ZNF618: variants seen among roughly 807,000 people sequenced by gnomAD.
The protein encoded by ZNF618 is zinc finger protein 618.
In ZNF618, 34 loss-of-function variants were observed where a neutral mutation model predicts 103.0. The observed-to-expected ratio is 0.33, with a 90% CI of 0.25 to 0.44. The LOEUF is 0.44. ZNF618 is among the 20% of genes least tolerant of loss of function. The probability of loss-of-function intolerance (pLI) is 1.00; values close to 1 mark genes in which losing one functional copy is unlikely to be tolerated. For missense variants in ZNF618, 1,059 were observed against 1,295.4 expected, an observed-to-expected ratio of 0.82 and a Z score of 2.80; for synonymous variants, 551 against 542.2, an observed-to-expected ratio of 1.02 and a Z score of -0.23.
At chr9:113,897,282 G>A (rs1199879782) in intron 1 of ZNF618, among the ~76,000 whole-genome samples, 1 of 152,032 alleles carries the variant, frequency 6.6e-6, no homozygotes, top group Non-Finnish European at 1.5e-5. Context: ...ACATTTTTGG[G>A]TTATGCATTT....
At chr9:113,881,389 A>C (rs891065685) in intron 1 of ZNF618, among the ~76,000 whole-genome samples, 17 of 152,234 alleles carry the variant, frequency 1.1e-4, no homozygotes, top group African/African-American at 4.1e-4. Flanking sequence ...ATAATTTTTA[A>C]TTTTCTCACA....
At chr9:113,999,570 A>C (rs745421072) in intron 4 of ZNF618, among the ~76,000 whole-genome samples, 84 of 152,274 alleles carry the variant, frequency 5.5e-4, no homozygotes, top group Non-Finnish European at 1.0e-3. Context: ...ACCTGCAGGC[A>C]AGGCTGCATG....
At chr9:113,976,378 C>T (rs908605757) in intron 2 of ZNF618, among the ~76,000 whole-genome samples, 8 of 152,138 alleles carry the variant, frequency 5.3e-5, no homozygotes, top group African/African-American at 1.7e-4. Flanking sequence ...ATTGAGAGTG[C>T]GAAGTAGGAG....
chr9:114,009,464 C>T (rs1221145407), intron 9 of ZNF618, among the ~76,000 whole-genome samples: 1 of 152,068 alleles, frequency 6.6e-6, no homozygotes, highest in Non-Finnish European at 1.5e-5. Context: ...TTTAGGAAGC[C>T]CCATTTTGCT....
chr9:114,002,534 T>G, intron 5 of ZNF618, 90 bp from the exon 6 acceptor site: 1 of 1,436,798 alleles, frequency 7.0e-7, no homozygotes, highest in East Asian at 2.3e-5. Flanking sequence ...GCTCTTCCCC[T>G]GTGGCTTCCA....
At chr9:114,029,877 G>T (rs547636361) in intron 11 of ZNF618, among the ~76,000 whole-genome samples, 1 of 152,302 alleles carries the variant, frequency 6.6e-6, no homozygotes, top group South Asian at 2.1e-4. Context: ...ATTTCCTCCA[G>T]AAAAACTGGC....
At chr9:113,958,329 AT>A (rs1836513287) in intron 1 of ZNF618, among the ~76,000 whole-genome samples, 2 of 152,154 alleles carry the variant, frequency 1.3e-5, no homozygotes, top group Admixed American at 1.3e-4. Flanking sequence ...GACTGGTGAC[AT>A]CCCCACCTCT....
intron 1 of ZNF618, among the ~76,000 whole-genome samples, chr9:113,936,629 A>ATAG (rs1365813548): frequency 6.6e-6 from 1 of 152,206 alleles, no homozygotes; most frequent in Non-Finnish European, 1.5e-5. Flanking sequence ...TACAGTAAGA[A>ATAG]TAGTACCATC....
intron 10 of ZNF618, chr9:114,028,517 G>A (rs1843713589): frequency 1.5e-6 from 1 of 668,118 alleles, no homozygotes; most frequent in African/African-American, 1.8e-5. Flanking sequence ...TGGGCTGGTT[G>A]GTGGCCTCCA....
rs73658318 is a variant in ZNF618, at chr9:114,032,779, C to T, written c.1168+51C>T. The T allele has an allele frequency of 0.011, 17,229 of 1,552,266 alleles. 1,198 individuals are homozygous for T. In the African/African-American group the frequency reaches 0.17, roughly 15 times the overall value. On this transcript the variant is annotated intron_variant, in intron 12 of 14. Transcript: ENST00000374126. ...CTGTGCGGTAGCTGCCAGCTTCGCC[C>T]GCTCCCCCCTGGCAGCCGCGGCAGC...
rs149220415 is a variant in ZNF618 at position 113,969,004 on chromosome 9, G to A, written c.34-113G>A. 8,308 of 1,258,298 alleles carry A rather than the reference G, an allele frequency of 6.6e-3. 39 individuals are homozygous for A. The highest frequency in any genetic ancestry group is 0.011 in the Middle Eastern group (56 of 5,230). 77.9% of individuals were successfully genotyped at this position (1,258,298 alleles called of 1,614,324 possible). A position where few individuals can be genotyped will look rare whatever the true frequency, so the allele number is the denominator to read the frequency against. On this transcript the variant is annotated intron_variant, in intron 1 of 14. Coordinates refer to ENST00000374126, the MANE Select transcript of ZNF618 (RefSeq NM_001318042.2). ...GGAGCGGGACAGGGGCTTGTGGCCA[G>A]CTCACCCCACAGTGTGAAGGCTGGT...
intron 11 of ZNF618, 113 bp downstream of exon 11, chr9:114,029,085 G>A (rs1363526071): frequency 7.8e-6 from 11 of 1,416,418 alleles, no homozygotes; most frequent in Admixed American, 2.3e-5. Flanking sequence ...TGGCAGTCCC[G>A]TAGTGATCTG....
At chr9:114,016,214 C>A (rs754870560) in intron 9 of ZNF618, 12 of 1,583,520 alleles carry the variant, frequency 7.6e-6, no homozygotes, top group Non-Finnish European at 1.0e-5. Flanking sequence ...AAGAAGTGAC[C>A]CCTGCTGCTA....
intron 1 of ZNF618, among the ~76,000 whole-genome samples, chr9:113,951,172 G>T (rs1189309270): frequency 6.6e-6 from 1 of 151,490 alleles, no homozygotes; most frequent in Non-Finnish European, 1.5e-5. Context: ...CTGTGATGGG[G>T]CTGGACTAGC....
intron 1 of ZNF618, among the ~76,000 whole-genome samples, chr9:113,903,721 GTTTCTTTC>G (rs1211183538): frequency 6.6e-5 from 10 of 151,946 alleles, no homozygotes; most frequent in Non-Finnish European, 8.8e-5. Flanking sequence ...TTTTTTGTTT[GTTTCTTTC>G]TTTCTTTCAG....
rs1337401381 is a variant in ZNF618 at position 114,053,058 on chromosome 9, A to C, written c.*2891A>C. The C allele has an allele frequency of 6.6e-6, 1 of 152,396 alleles. No individual in the cohort carries two copies. Among genetic ancestry groups the C allele is most frequent in the African/African-American group, 2.4e-5 (1 of 41,434 alleles). 9.4% of individuals were successfully genotyped at this position (152,396 alleles called of 1,614,324 possible). On this transcript the variant is annotated 3_prime_UTR_variant, in exon 15 of 15. Transcript: ENST00000374126. ...AGATAGCAGATGATTGTTTCTTGCAACCTCTGGTTCCCTCCGGAAACTGGT... is the reference window on the plus strand; with the variant it reads ...AGATAGCAGATGATTGTTTCTTGCACCCTCTGGTTCCCTCCGGAAACTGGT...
intron 1 of ZNF618, among the ~76,000 whole-genome samples, chr9:113,967,129 C>A (rs1364381715): frequency 6.6e-6 from 1 of 152,204 alleles, no homozygotes; most frequent in Non-Finnish European, 1.5e-5. Context: ...GCTAAAAATA[C>A]ACGCACAGAA....
intron 13 of ZNF618, among the ~76,000 whole-genome samples, chr9:114,042,639 G>A (rs572263396): frequency 6.6e-6 from 1 of 152,286 alleles, no homozygotes; most frequent in South Asian, 2.1e-4. Context: ...GACCAGCCCT[G>A]GTCACCACAG....
chr9:113,935,764 C>T (rs1056153888), intron 1 of ZNF618, among the ~76,000 whole-genome samples: 1 of 152,114 alleles, frequency 6.6e-6, no homozygotes, highest in African/African-American at 2.4e-5. Flanking sequence ...TCTCCCTGCA[C>T]CCTGCCCTGT....
Sources: gnomAD v4.1 joint callset for allele counts (sites outside exome capture counted in the v4.1 genomes callset) on GRCh38, gnomAD v4.1.1 for gene constraint, MANE v1.5 for transcripts, NCBI Gene and HGNC (gene_info 2026-07-23, HGNC 2026-07-21) for gene names.